The following PTPRK variants were observed in gnomAD, a reference collection of about 807,000 sequenced individuals.
PTPRK encodes receptor-type tyrosine-protein phosphatase kappa.
A neutral mutation model predicts 178.0 loss-of-function variants in PTPRK; 75 were observed. The observed-to-expected ratio is 0.42, with a 90% confidence interval of 0.35 to 0.51. The LOEUF is 0.51. Ranked by LOEUF, PTPRK falls within the 20% of genes least tolerant of loss-of-function variation. PTPRK has a pLI of 0.02. For missense variants in PTPRK, 1,441 were observed against 1,797.8 expected (o/e 0.80, Z 3.59); for synonymous variants, 637 against 620.6 (o/e 1.03, Z -0.39).
chr6:128,213,418 G>A (rs1455627294), intron 6 of PTPRK, among the ~76,000 whole-genome samples: 1 of 151,902 alleles, frequency 6.6e-6, no homozygotes, highest in Admixed American at 6.6e-5. Flanking sequence ...AATATTTAGG[G>A]GTTTTGGGGG....
chr6:128,208,485 C>T (rs879388064), intron 6 of PTPRK, among the ~76,000 whole-genome samples: 10 of 151,968 alleles, frequency 6.6e-5, no homozygotes, highest in African/African-American at 1.7e-4. Flanking sequence ...TCCACTTAAC[C>T]GACAACCAAA....
intron 13 of PTPRK, among the ~76,000 whole-genome samples, chr6:128,014,956 G>A (rs1779441887): frequency 6.6e-6 from 1 of 151,524 alleles, no homozygotes; most frequent in Non-Finnish European, 1.5e-5. Flanking sequence ...AACAGTAGTT[G>A]GAAAATAATT....
intron 3 of PTPRK, among the ~76,000 whole-genome samples, chr6:128,273,778 G>A (rs1459703133): frequency 6.6e-6 from 1 of 152,180 alleles, no homozygotes; most frequent in Non-Finnish European, 1.5e-5. Context: ...TGGAAAATTA[G>A]TCAGTGCATA....
At chr6:128,404,576 C>G (rs1327020414) in intron 1 of PTPRK, among the ~76,000 whole-genome samples, 2 of 152,152 alleles carry the variant, frequency 1.3e-5, no homozygotes, top group African/African-American at 4.8e-5. Context: ...TGTGATCAAT[C>G]CAAATCTTAC....
intron 3 of PTPRK, among the ~76,000 whole-genome samples, chr6:128,289,320 G>A (rs17430298): frequency 0.033 from 5,025 of 152,082 alleles, 135 homozygotes; most frequent in Non-Finnish European, 0.047. Flanking sequence ...GTCTTACTAA[G>A]ATTTCAATCA....
chr6:128,284,667 T>C (rs940292589), intron 3 of PTPRK, among the ~76,000 whole-genome samples: 2 of 152,224 alleles, frequency 1.3e-5, no homozygotes, highest in Non-Finnish European at 2.9e-5. Flanking sequence ...AAGATGCATT[T>C]ATAGGACATT....
chr6:128,342,123 C>A (rs1831745028), intron 2 of PTPRK, among the ~76,000 whole-genome samples: 1 of 151,890 alleles, frequency 6.6e-6, no homozygotes, highest in African/African-American at 2.4e-5. Context: ...TGTGGTGGCA[C>A]ATGCTGGTAA....
intron 1 of PTPRK, among the ~76,000 whole-genome samples, chr6:128,517,309 C>T (rs1381358227): frequency 6.6e-6 from 1 of 151,928 alleles, no homozygotes; most frequent in East Asian, 1.9e-4. Context: ...TATTATTATC[C>T]CCATTTTACA....
intron 15 of PTPRK, among the ~76,000 whole-genome samples, chr6:128,002,518 AT>A (rs2114696667): frequency 6.6e-6 from 1 of 152,060 alleles, no homozygotes; most frequent in East Asian, 1.9e-4. Flanking sequence ...ATTCTTAAAT[AT>A]ATAGGTAGGT....
At chr6:128,383,890 A>C (rs907565228) in intron 2 of PTPRK, among the ~76,000 whole-genome samples, 3 of 152,232 alleles carry the variant, frequency 2.0e-5, no homozygotes, top group Non-Finnish European at 4.4e-5. Flanking sequence ...TTGACAGTTT[A>C]AACACATTTT....
At chr6:128,108,955 G>C (rs543013832) in intron 7 of PTPRK, among the ~76,000 whole-genome samples, 11 of 152,080 alleles carry the variant, frequency 7.2e-5, no homozygotes, top group African/African-American at 2.7e-4. Flanking sequence ...AAACCTAATT[G>C]TTTCCCCAAA....
At chr6:128,217,604 A>G (rs1389151071) in intron 6 of PTPRK, among the ~76,000 whole-genome samples, 2 of 152,214 alleles carry the variant, frequency 1.3e-5, no homozygotes, top group African/African-American at 4.8e-5. Context: ...AAAACAAGAC[A>G]ATATTGAATA....
At chr6:128,215,788 T>G (rs542485837) in intron 6 of PTPRK, among the ~76,000 whole-genome samples, 1 of 152,284 alleles carries the variant, frequency 6.6e-6, no homozygotes. Flanking sequence ...ATGCCAGCTC[T>G]TATTAAAGAC....
At chr6:128,307,380 T>A (rs2128314513) in intron 3 of PTPRK, among the ~76,000 whole-genome samples, 1 of 150,910 alleles carries the variant, frequency 6.6e-6, no homozygotes, top group Middle Eastern at 3.4e-3. Flanking sequence ...ATCATAAAAT[T>A]TTTAGAAGAA....
chr6:128,218,182 C>T (rs1809695086), intron 6 of PTPRK, among the ~76,000 whole-genome samples: 1 of 152,110 alleles, frequency 6.6e-6, no homozygotes, highest in African/African-American at 2.4e-5. Flanking sequence ...TATAGTCTGC[C>T]TAACATAATT....
At chr6:128,323,884 A>C (rs1829187394) in intron 2 of PTPRK, among the ~76,000 whole-genome samples, 1 of 151,896 alleles carries the variant, frequency 6.6e-6, no homozygotes, top group Non-Finnish European at 1.5e-5. Flanking sequence ...GCACATTAAT[A>C]GAATAAACTG....
chr6:128,283,154 C>T (rs1053543086), intron 3 of PTPRK, among the ~76,000 whole-genome samples: 7 of 152,122 alleles, frequency 4.6e-5, no homozygotes, highest in Admixed American at 4.6e-4. Flanking sequence ...GTGCTCGCCC[C>T]CAAGGCTCAC....
At chr6:128,374,797 T>C (rs1836789029) in intron 2 of PTPRK, among the ~76,000 whole-genome samples, 1 of 152,090 alleles carries the variant, frequency 6.6e-6, no homozygotes, top group Non-Finnish European at 1.5e-5. Flanking sequence ...ATTTAGAACT[T>C]TGTGAAGTAC....
At chr6:128,057,923 TA>T (rs1476942289) in intron 13 of PTPRK, among the ~76,000 whole-genome samples, 4 of 152,198 alleles carry the variant, frequency 2.6e-5, no homozygotes, top group African/African-American at 9.6e-5. Context: ...AATTAAACAA[TA>T]AAGTGTATAT....
Sources: gnomAD v4.1 joint callset for allele counts (sites outside exome capture counted in the v4.1 genomes callset) on GRCh38, gnomAD v4.1.1 for gene constraint, MANE v1.5 for transcripts, NCBI Gene and HGNC (gene_info 2026-07-23, HGNC 2026-07-21) for gene names.